The following INSC variants were observed in gnomAD, a reference collection of about 807,000 sequenced individuals.
INSC encodes the protein INSC spindle orientation adaptor protein.
A neutral mutation model predicts 58.6 loss-of-function variants in INSC; 67 were observed. That is an observed-to-expected ratio of 1.14 (90% CI 0.94 to 1.40). The LOEUF (loss-of-function observed/expected upper bound fraction) is 1.40, where lower values mean the gene tolerates loss of function less well. Among genes scored for constraint, INSC ranks in the 40% most tolerant of loss-of-function variants. The pLI is 0.00. For synonymous variants in INSC, 262 were observed against 276.1 expected (o/e 0.95, Z 0.51); for missense variants, 714 against 692.0 (o/e 1.03, Z -0.36).
chr11:15,139,766 T>C (rs1440051674), intron 1 of INSC, among the ~76,000 whole-genome samples: 1 of 152,242 alleles, frequency 6.6e-6, no homozygotes, highest in Non-Finnish European at 1.5e-5. Context: ...ATCTCTATTC[T>C]TAACCAACAG....
At chr11:15,111,879 C>A (rs1244075740), upstream of INSC, among the ~76,000 whole-genome samples, 1 of 152,188 alleles carries the variant, frequency 6.6e-6, no homozygotes, top group Non-Finnish European at 1.5e-5. Flanking sequence ...GAGGCCCTCC[C>A]TGGGCCTCAG....
chr11:15,183,625 C>T (rs1304558441), intron 5 of INSC, among the ~76,000 whole-genome samples: 1 of 152,080 alleles, frequency 6.6e-6, no homozygotes, highest in African/African-American at 2.4e-5. Context: ...TTTTAGGACA[C>T]ACATTAAAAT....
At chr11:15,212,598 C>T (rs1196226848) in intron 7 of INSC, among the ~76,000 whole-genome samples, 1 of 152,102 alleles carries the variant, frequency 6.6e-6, no homozygotes, top group East Asian at 1.9e-4. Flanking sequence ...TAGATTTATT[C>T]CTAGTTATGA....
chr11:15,155,901 A>T (rs971207995), intron 2 of INSC, among the ~76,000 whole-genome samples: 1 of 152,220 alleles, frequency 6.6e-6, no homozygotes, highest in African/African-American at 2.4e-5. Flanking sequence ...GATGGAGGCC[A>T]GGTACAGATC....
chr11:15,199,671 G>T (rs1850504122), intron 6 of INSC, among the ~76,000 whole-genome samples: 1 of 152,154 alleles, frequency 6.6e-6, no homozygotes, highest in African/African-American at 2.4e-5. Context: ...CTTAGTTTTG[G>T]GAACCGGTAC....
the INSC span, among the ~76,000 whole-genome samples, chr11:15,265,094 A>T: frequency 6.6e-6 from 1 of 152,126 alleles, no homozygotes; most frequent in African/African-American, 2.4e-5. Context: ...AGTGTTGTGC[A>T]TTGTATAGAT....
intron 8 of INSC, among the ~76,000 whole-genome samples, chr11:15,222,763 A>G (rs149255473): frequency 6.6e-6 from 1 of 152,334 alleles, no homozygotes; most frequent in East Asian, 1.9e-4. Flanking sequence ...GATTCTAGTC[A>G]TGGGGGCAGT....
At chr11:15,138,788 C>T (rs1020546869) in intron 1 of INSC, among the ~76,000 whole-genome samples, 1 of 152,066 alleles carries the variant, frequency 6.6e-6, no homozygotes, top group African/African-American at 2.4e-5. Context: ...TAATTTTGAC[C>T]ACAACCCTGA....
intron 7 of INSC, among the ~76,000 whole-genome samples, chr11:15,210,284 TG>T (rs1327581298): frequency 1.4e-5 from 2 of 146,148 alleles, no homozygotes; most frequent in African/African-American, 5.3e-5. Flanking sequence ...CTAGTTCTGC[TG>T]GTATCCTGTG....
At chr11:15,154,496 G>A (rs1848745826) in intron 2 of INSC, among the ~76,000 whole-genome samples, 1 of 152,182 alleles carries the variant, frequency 6.6e-6, no homozygotes, top group Admixed American at 6.5e-5. Context: ...GAGTTGAAGA[G>A]GCTTTGTTTC....
chr11:15,213,531 C>G (rs1159124173), intron 7 of INSC, among the ~76,000 whole-genome samples: 1 of 152,134 alleles, frequency 6.6e-6, no homozygotes, highest in Non-Finnish European at 1.5e-5. Flanking sequence ...GGGAAATCCA[C>G]CCCCAAAGCA....
chr11:15,223,913 T>C (rs1459281414), intron 8 of INSC, among the ~76,000 whole-genome samples: 1 of 152,202 alleles, frequency 6.6e-6, no homozygotes, highest in African/African-American at 2.4e-5. Context: ...GAGGGAGGCA[T>C]TACCCTCCTG....
chr11:15,241,644 A>G (rs2133981680), intron 12 of INSC: 1 of 702,960 alleles, frequency 1.4e-6, no homozygotes, highest in Non-Finnish European at 2.6e-6. Context: ...GGCACATTCA[A>G]GGTAATCTTA....
At chr11:15,127,981 C>T (rs370721075) in intron 1 of INSC, among the ~76,000 whole-genome samples, 14 of 150,744 alleles carry the variant, frequency 9.3e-5, no homozygotes, top group Admixed American at 3.3e-4. Context: ...GGTGACAGGG[C>T]GAGACTCCAT....
At chr11:15,221,382 T>G in intron 7 of INSC, 95 bp from the exon 8 acceptor site, 1 of 1,406,930 alleles carries the variant, frequency 7.1e-7, no homozygotes, top group Non-Finnish European at 9.7e-7. Flanking sequence ...CTGGCTTCCA[T>G]GTAGTGGGGG....
intron 2 of INSC, among the ~76,000 whole-genome samples, chr11:15,169,811 T>G (rs1019429531): frequency 1.3e-5 from 2 of 152,074 alleles, no homozygotes; most frequent in African/African-American, 4.8e-5. Context: ...TAGTACAGAG[T>G]GTTCCCATAT....
the INSC span, among the ~76,000 whole-genome samples, chr11:15,253,634 T>TC: frequency 7.8e-6 from 1 of 128,416 alleles, no homozygotes; most frequent in African/African-American, 3.7e-5. Flanking sequence ...TGCAGGGTCT[T>TC]TTTTTTTTTT....
chr11:15,206,089 G>T (rs529063740), intron 7 of INSC, among the ~76,000 whole-genome samples: 1 of 152,164 alleles, frequency 6.6e-6, no homozygotes, highest in Non-Finnish European at 1.5e-5. Context: ...TTCCTTCCCT[G>T]TGTCTTCATC....
At chr11:15,145,727 A>G (rs1481437796) in intron 1 of INSC, among the ~76,000 whole-genome samples, 8 of 152,164 alleles carry the variant, frequency 5.3e-5, no homozygotes, top group Admixed American at 5.2e-4. Context: ...CTCATTCCAT[A>G]TGACTGCAGT....
Sources: allele counts gnomAD v4.1 joint callset (sites outside exome capture counted in the v4.1 genomes callset), GRCh38; gene constraint gnomAD v4.1.1; transcripts MANE v1.5; gene names NCBI Gene and HGNC (gene_info 2026-07-23, HGNC 2026-07-21).